ZYG11A: variants seen among roughly 807,000 people sequenced by gnomAD.
ZYG11A encodes the protein protein zyg-11 homolog A.
A neutral mutation model predicts 77.2 loss-of-function variants in ZYG11A; 62 were observed. The observed-to-expected ratio is 0.80, with a 90% CI of 0.65 to 0.99. The LOEUF (loss-of-function observed/expected upper bound fraction) is 0.99, where lower values mean the gene tolerates loss of function less well. ZYG11A is among the 50% of genes least tolerant of loss of function. The pLI is 0.00. For synonymous variants in ZYG11A, 315 were observed against 324.6 expected (o/e 0.97, Z 0.32); for missense variants, 828 against 896.8 (o/e 0.92, Z 0.98).
At chr1:52,881,362 A>C in intron 10 of ZYG11A, 109 bp from the exon 11 acceptor site, 1 of 743,204 alleles carries the variant, frequency 1.3e-6, no homozygotes, top group Non-Finnish European at 2.2e-6. Context: ...GTATAAGAAT[A>C]AGAGTTCTGA....
chr1:52,872,808 G>A, intron 8 of ZYG11A, among the ~76,000 whole-genome samples: 1 of 148,782 alleles, frequency 6.7e-6, no homozygotes, highest in Non-Finnish European at 1.5e-5. Flanking sequence ...GCTTGAACCT[G>A]GGAAGTGGAG....
intron 1 of ZYG11A, among the ~76,000 whole-genome samples, chr1:52,846,867 CTTTTT>C (rs35227167): frequency 2.9e-5 from 4 of 139,386 alleles, no homozygotes; most frequent in African/African-American, 1.1e-4. Context: ...TTCACATTTA[CTTTTT>C]TTTTTTTTTT....
intron 1 of ZYG11A, among the ~76,000 whole-genome samples, chr1:52,854,180 A>T (rs1645765288): frequency 6.6e-6 from 1 of 152,200 alleles, no homozygotes; most frequent in Non-Finnish European, 1.5e-5. Flanking sequence ...ACACCATTTT[A>T]TATAAGGAGA....
chr1:52,857,542 G>C lies in ZYG11A; in HGVS notation c.801G>C (p.Arg267Ser). The C allele has an allele frequency of 6.4e-7, 1 of 1,551,904 alleles. No individual in the cohort carries two copies. The highest frequency in any genetic ancestry group is 8.7e-7 in the Non-Finnish European group (1 of 1,146,984). Residue 267 changes from arginine to serine, a missense_variant, in exon 3 of 14, where the codon AGG becomes AGC. Transcript: ENST00000371528. ...TTCACCTTGATATTTCTGATCACAGGCAACTCAAATCAGACCTAGCTTTTC... is the reference window on the plus strand; with the variant it reads ...TTCACCTTGATATTTCTGATCACAGCCAACTCAAATCAGACCTAGCTTTTC... ...CLLHLDISDH[R>S]QLKSDLAFHL...
rs373477800 is a variant in ZYG11A at position 52,867,744 on chromosome 1, G to A, written c.1509G>A (p.Thr503=). 3.7e-5 allele frequency: 57 copies of A among 1,551,394 alleles called. No individual in the cohort carries two copies. The African/African-American group carries it at 6.7e-4, about 18-fold the overall frequency. ...ILALQLSPEQ[T]AQLEELFMAV... is the part of the protein sequence containing the mutation. ...GCTTATAGCTCTCACCTGAGCAAAC[G>A]GCACAGCTTGAAGAGCTTTTCATGG... The change falls in exon 8 of 14, where the codon ACG becomes ACA. Residue 503 remains threonine (T), a synonymous_variant. Transcript: ENST00000371528.
At chr1:52,866,092 C>T (rs1284214375) in intron 5 of ZYG11A, among the ~76,000 whole-genome samples, 3 of 151,960 alleles carry the variant, frequency 2.0e-5, no homozygotes, top group Admixed American at 6.6e-5. Context: ...CACCCACCAC[C>T]ACGCCCGGCT....
At chr1:52,885,967 C>T in intron 12 of ZYG11A, 73 bp downstream of exon 12, 1 of 1,224,364 alleles carries the variant, frequency 8.2e-7, no homozygotes, top group Non-Finnish European at 1.1e-6. Context: ...GAGTCTTGCT[C>T]AGTCGCCCAG....
At chr1:52,862,398 A>G (rs1405318866) in intron 4 of ZYG11A, among the ~76,000 whole-genome samples, 1 of 139,328 alleles carries the variant, frequency 7.2e-6, no homozygotes, top group Non-Finnish European at 1.5e-5. Context: ...TGCAGGCTCC[A>G]CCTCCCGGGT....
intron 1 of ZYG11A, among the ~76,000 whole-genome samples, chr1:52,846,310 T>TTTATTTATA (rs1645577922): frequency 8.4e-5 from 3 of 35,800 alleles, no homozygotes; most frequent in African/African-American, 2.6e-4. Context: ...TTTTAAATTT[T>TTTATTTATA]TATATATATA....
Position 52,854,643 on chromosome 1 carries a change from C to A in ZYG11A, c.256+13C>A. On this transcript the variant is annotated intron_variant, in intron 2 of 13. Transcript: ENST00000371528. Reference sequence around the variant, plus strand: ...ATGACTTGGCAAGGTAGTGATAAGGCTTCTCTAAAGTCAGCTCTTGCAGTA... The same window carrying A: ...ATGACTTGGCAAGGTAGTGATAAGGATTCTCTAAAGTCAGCTCTTGCAGTA... 1.3e-6 allele frequency: 2 copies of A among 1,508,150 alleles called. No homozygotes were observed. The highest frequency in any genetic ancestry group is 1.3e-5 in the South Asian group (1 of 77,282). 93.4% of individuals were successfully genotyped at this position (1,508,150 alleles called of 1,614,324 possible).
At chr1:52,846,308 TTTTATATATATATATATATATATATA>T (rs763129378) in intron 1 of ZYG11A, among the ~76,000 whole-genome samples, 59,249 of 124,852 alleles carry the variant, frequency 0.47, 15,836 homozygotes, top group Non-Finnish European at 0.61. Context: ...CTTTTTAAAT[TTTTATATATATATATATATATATATA>T]TATATATATA....
intron 8 of ZYG11A, among the ~76,000 whole-genome samples, chr1:52,868,423 T>C (rs1646070857): frequency 6.6e-6 from 1 of 152,224 alleles, no homozygotes; most frequent in Non-Finnish European, 1.5e-5. Context: ...ATTTATATCA[T>C]GATTTTAAAT....
chr1:52,856,926 C>T, intron 2 of ZYG11A, 72 bp from the exon 3 acceptor site: 1 of 1,428,950 alleles, frequency 7.0e-7, no homozygotes, highest in Non-Finnish European at 9.3e-7. Flanking sequence ...TGTCTTAATT[C>T]TTTGCCACAT....
chr1:52,873,932 C>T (rs568264843), intron 8 of ZYG11A, among the ~76,000 whole-genome samples: 2 of 151,376 alleles, frequency 1.3e-5, no homozygotes, highest in Non-Finnish European at 2.9e-5. Flanking sequence ...TGCAATGAGC[C>T]GAGATCGCGC....
intron 12 of ZYG11A, among the ~76,000 whole-genome samples, chr1:52,886,123 G>T (rs916861945): frequency 3.3e-5 from 5 of 151,868 alleles, no homozygotes; most frequent in African/African-American, 1.2e-4. Flanking sequence ...TAGTGGAGAC[G>T]GGGTTTCACC....
At chr1:52,890,306 A>G (rs1346386206) in intron 13 of ZYG11A, among the ~76,000 whole-genome samples, 4 of 124,634 alleles carry the variant, frequency 3.2e-5, no homozygotes, top group Admixed American at 2.1e-4. Context: ...ACTGGAGTGC[A>G]GTGGCGTGAT....
Position 52,892,960 on chromosome 1 carries a change from C to T in ZYG11A, c.*3C>T. 1.3e-6 allele frequency: 2 copies of T among 1,550,776 alleles called. No homozygotes were observed. Among genetic ancestry groups the T allele is most frequent in the Admixed American group, 2.0e-5 (1 of 50,974 alleles). ...CTCTGTGTCAAATGCCCTTCTGAAC[C>T]TAAGGAATTTCAGAGGTGTGTGCTC... On this transcript the variant is annotated 3_prime_UTR_variant, in exon 14 of 14. Transcript: ENST00000371528.
intron 1 of ZYG11A, among the ~76,000 whole-genome samples, chr1:52,846,338 A>T (rs866477984): frequency 0.62 from 64,339 of 104,280 alleles, 18,809 homozygotes; most frequent in Non-Finnish European, 0.65. Context: ...ATATATATAT[A>T]TATATATATA....
At chr1:52,852,249 G>T (rs538915210) in intron 1 of ZYG11A, among the ~76,000 whole-genome samples, 2 of 150,600 alleles carry the variant, frequency 1.3e-5, no homozygotes, top group Admixed American at 6.6e-5. Flanking sequence ...GGGTTTCACC[G>T]TGTTGGCCAG....
Sources: allele counts gnomAD v4.1 joint callset (sites outside exome capture counted in the v4.1 genomes callset), GRCh38; gene constraint gnomAD v4.1.1; transcripts MANE v1.5; gene names NCBI Gene and HGNC (gene_info 2026-07-23, HGNC 2026-07-21).